Variants in PAPSS1 observed in about 807,000 individuals in gnomAD.
PAPSS1 encodes the protein 3'-phosphoadenosine 5'-phosphosulfate synthase 1, also known as bifunctional 3'-phosphoadenosine 5'-phosphosulfate synthase 1.
In PAPSS1, 50 loss-of-function variants were observed where a neutral mutation model predicts 72.0. The ratio of observed to expected loss-of-function variants is 0.69; its 90% confidence interval spans 0.55 to 0.88. The LOEUF (loss-of-function observed/expected upper bound fraction) is 0.88, where lower values mean the gene tolerates loss of function less well. Among genes scored for constraint, PAPSS1 ranks in the 40% least tolerant of loss-of-function variants. The pLI is 0.00. For synonymous variants in PAPSS1, 261 were observed against 263.6 expected (o/e 0.99, Z 0.09); for missense variants, 657 against 782.2 (o/e 0.84, Z 1.91).
intron 1 of PAPSS1, among the ~76,000 whole-genome samples, chr4:107,711,293 C>G (rs914139612): frequency 6.6e-6 from 1 of 152,168 alleles, no homozygotes; most frequent in African/African-American, 2.4e-5. Context: ...TATTGCATGT[C>G]CTCTGATATT....
At chr4:107,704,613 T>G (rs1723288379) in intron 1 of PAPSS1, among the ~76,000 whole-genome samples, 1 of 152,134 alleles carries the variant, frequency 6.6e-6, no homozygotes, top group Non-Finnish European at 1.5e-5. Context: ...TGATCATAGG[T>G]TTTTTGCCCT....
intron 5 of PAPSS1, among the ~76,000 whole-genome samples, chr4:107,676,077 A>T (rs951096786): frequency 1.3e-5 from 2 of 152,204 alleles, no homozygotes; most frequent in Admixed American, 1.3e-4. Flanking sequence ...AGCCAATATC[A>T]TACTGAATGG....
At chr4:107,695,025 A>G (rs1316277294) in intron 2 of PAPSS1, among the ~76,000 whole-genome samples, 1 of 151,968 alleles carries the variant, frequency 6.6e-6, no homozygotes, top group African/African-American at 2.4e-5. Flanking sequence ...CTAATTCTGT[A>G]AGAATATCAA....
At chr4:107,628,560 CAT>C (rs1018333023) in intron 11 of PAPSS1, among the ~76,000 whole-genome samples, 1 of 152,126 alleles carries the variant, frequency 6.6e-6, no homozygotes, top group African/African-American at 2.4e-5. Context: ...CCAATTAGCA[CAT>C]GTCAGTAGAG....
chr4:107,632,397 T>TA (rs901982996), intron 10 of PAPSS1, among the ~76,000 whole-genome samples: 91 of 147,652 alleles, frequency 6.2e-4, no homozygotes, highest in African/African-American at 1.2e-3. Context: ...TTTAACAGGT[T>TA]AAAAAAAAAA....
chr4:107,677,821 T>C (rs901822673), intron 5 of PAPSS1, among the ~76,000 whole-genome samples: 2 of 152,100 alleles, frequency 1.3e-5, no homozygotes, highest in African/African-American at 4.8e-5. Flanking sequence ...ATTAAGAAAA[T>C]GTGGCACATA....
At chr4:107,651,551 G>A (rs992199120) in intron 9 of PAPSS1, among the ~76,000 whole-genome samples, 1 of 152,190 alleles carries the variant, frequency 6.6e-6, no homozygotes, top group Non-Finnish European at 1.5e-5. Context: ...TACAATCATG[G>A]TGGAAGGGGA....
chr4:107,673,219 T>C (rs1727543026), intron 5 of PAPSS1, among the ~76,000 whole-genome samples: 1 of 152,144 alleles, frequency 6.6e-6, no homozygotes, highest in Non-Finnish European at 1.5e-5. Flanking sequence ...GAGAATGACT[T>C]TGACGAGTTG....
At chr4:107,719,500 A>G (rs1723721106) in intron 1 of PAPSS1, among the ~76,000 whole-genome samples, 1 of 152,236 alleles carries the variant, frequency 6.6e-6, no homozygotes, top group African/African-American at 2.4e-5. Flanking sequence ...GGAGTCTTCC[A>G]AACTCCTACT....
intron 9 of PAPSS1, among the ~76,000 whole-genome samples, chr4:107,651,624 GCCCCTTATAAAAC>G (rs1229551004): frequency 1.3e-5 from 2 of 152,150 alleles, no homozygotes; most frequent in Non-Finnish European, 2.9e-5. Context: ...AAAAGGGGAA[GCCCCTTATAAAAC>G]CATCACACCT....
chr4:107,720,223 G>C lies in PAPSS1; in HGVS notation c.-44C>G, dbSNP rs973127. 6.3e-7 allele frequency: 1 copy of C among 1,577,342 alleles called. No individual in the cohort carries two copies. The highest frequency in any genetic ancestry group is 8.6e-7 in the Non-Finnish European group (1 of 1,162,482). On this transcript the variant is annotated 5_prime_UTR_variant, in exon 1 of 12. Coordinates refer to ENST00000265174, the MANE Select transcript of PAPSS1 (RefSeq NM_005443.5). ...GCAGCCGGGGTTCTCTGCGCCGGGA[G>C]GGTAGCAAGAGGAGGGCAGGCCAGC... is the stretch of plus-strand genomic sequence containing the variant.
At chr4:107,674,189 G>A (rs1449962375) in intron 5 of PAPSS1, among the ~76,000 whole-genome samples, 7 of 152,062 alleles carry the variant, frequency 4.6e-5, no homozygotes, top group South Asian at 2.1e-4. Context: ...AACAATATTA[G>A]CCTTAAATGT....
chr4:107,660,033 G>A lies in PAPSS1; in HGVS notation c.709C>T (p.Leu237=), dbSNP rs1214566014. 2 of 1,602,858 alleles carry A rather than the reference G, an allele frequency of 1.2e-6. No homozygotes were observed. The highest frequency in any genetic ancestry group is 2.2e-5 in the East Asian group (1 of 44,632). The change falls in exon 6 of 12, where the codon CTA becomes TTA. Residue 237 remains leucine (L), a synonymous_variant. Coordinates refer to ENST00000265174, the MANE Select transcript of PAPSS1 (RefSeq NM_005443.5). ...TGAAGTTTATTTTCTGGCACATATA[G>A]TTCTTTTACTTCATAAGATGCATCC... is the stretch of plus-strand genomic sequence containing the variant. ...PVDASYEVKE[L]YVPENKLHLA...
chr4:107,679,988 G>C (rs956822964), intron 5 of PAPSS1, among the ~76,000 whole-genome samples: 1 of 151,926 alleles, frequency 6.6e-6, no homozygotes, highest in Non-Finnish European at 1.5e-5. Flanking sequence ...TACAGCTAAG[G>C]AATCAGCAAA....
At chr4:107,680,322 T>C (rs1241701441) in intron 5 of PAPSS1, among the ~76,000 whole-genome samples, 1 of 150,094 alleles carries the variant, frequency 6.7e-6, no homozygotes, top group Non-Finnish European at 1.5e-5. Flanking sequence ...AATTCAGACA[T>C]GAAAAAAAAA....
At chr4:107,626,366 C>A (rs1478476327) in intron 11 of PAPSS1, among the ~76,000 whole-genome samples, 1 of 152,072 alleles carries the variant, frequency 6.6e-6, no homozygotes. Flanking sequence ...TCTGAATAAT[C>A]CTGTATCTAT....
intron 9 of PAPSS1, 76 bp downstream of exon 9, chr4:107,653,415 C>G: frequency 7.1e-7 from 1 of 1,404,042 alleles, no homozygotes; most frequent in South Asian, 1.4e-5. Flanking sequence ...TTTACATTTT[C>G]GTAAGCACTG....
At chr4:107,628,718 A>G (rs1454688641) in intron 11 of PAPSS1, among the ~76,000 whole-genome samples, 2 of 152,262 alleles carry the variant, frequency 1.3e-5, no homozygotes, top group African/African-American at 4.8e-5. Context: ...CATATGTACA[A>G]GTACCTACTA....
At chr4:107,632,397 TA>T (rs901982996) in intron 10 of PAPSS1, among the ~76,000 whole-genome samples, 97 of 147,652 alleles carry the variant, frequency 6.6e-4, no homozygotes, top group African/African-American at 1.3e-3. Context: ...TTTAACAGGT[TA>T]AAAAAAAAAC....
Sources: allele counts gnomAD v4.1 joint callset (sites outside exome capture counted in the v4.1 genomes callset), GRCh38; gene constraint gnomAD v4.1.1; transcripts MANE v1.5; gene names NCBI Gene and HGNC (gene_info 2026-07-23, HGNC 2026-07-21).